Variants in TPO observed in about 807,000 individuals in gnomAD.
The protein encoded by TPO is thyroid microsomal antigen.
A neutral mutation model predicts 96.9 loss-of-function variants in TPO; 78 were observed. That is an observed-to-expected ratio of 0.81 (90% CI 0.67 to 0.97). The LOEUF is 0.97. Among genes scored for constraint, TPO ranks in the 50% least tolerant of loss-of-function variants. The pLI is 0.00. For missense variants in TPO, 1,252 were observed against 1,274.8 expected (o/e 0.98, Z 0.27); for synonymous variants, 547 against 538.0 (o/e 1.02, Z -0.23).
intron 14 of TPO, among the ~76,000 whole-genome samples, chr2:1,508,399 T>C (rs1673708651): frequency 6.6e-6 from 1 of 152,352 alleles, no homozygotes; most frequent in South Asian, 2.1e-4. Context: ...GCTGGCCTCA[T>C]AAAATGAGTT....
chr2:1,525,844 C>A (rs1275148356), intron 15 of TPO, among the ~76,000 whole-genome samples: 3 of 137,316 alleles, frequency 2.2e-5, no homozygotes, highest in African/African-American at 8.2e-5. Context: ...CCACTCTGTG[C>A]AACCTCCCAA....
At chr2:1,516,825 A>G in intron 14 of TPO, 58 bp from the exon 15 acceptor site, 1 of 1,547,318 alleles carries the variant, frequency 6.5e-7, no homozygotes, top group Non-Finnish European at 8.9e-7. Flanking sequence ...AGGCAGGACA[A>G]CCTGGCTTGC....
At chr2:1,466,727 A>G (rs1449741621) in intron 7 of TPO, among the ~76,000 whole-genome samples, 1 of 152,142 alleles carries the variant, frequency 6.6e-6, no homozygotes, top group East Asian at 1.9e-4. Flanking sequence ...CAGTTGTAAT[A>G]TCTCCCATTT....
intron 2 of TPO, among the ~76,000 whole-genome samples, chr2:1,416,410 G>A (rs1662967410): frequency 6.6e-6 from 1 of 152,220 alleles, no homozygotes; most frequent in African/African-American, 2.4e-5. Context: ...TGATACATGA[G>A]AGCTATTCAA....
At position 1,433,485 on chromosome 2, in the gene TPO, T is replaced by C. The variant is rs748602439; in HGVS notation, c.227T>C (p.Phe76Ser). 2 of 1,614,246 alleles carry C rather than the reference T, an allele frequency of 1.2e-6. No homozygotes were observed. The highest frequency in any genetic ancestry group is 1.7e-6 in the Non-Finnish European group (2 of 1,180,048). The change falls in exon 4 of 17, where the codon TTT becomes TCT. Residue 76 changes from phenylalanine to serine, a missense_variant. Transcript: ENST00000329066. ...CTTTCTCCAGCTCAGCTTCTGTCTT[T>C]TTCCAAACTTCCTGAGCCAACAAGC... is the stretch of plus-strand genomic sequence containing the variant. The part of the protein sequence containing the change: ...GILSPAQLLS[F>S]SKLPEPTSGV...
chr2:1,456,477 T>C (rs1469795721), intron 7 of TPO, among the ~76,000 whole-genome samples, 195 bp downstream of exon 7: 1 of 152,182 alleles, frequency 6.6e-6, no homozygotes, highest in African/African-American at 2.4e-5. Context: ...ATAGTGTGGG[T>C]ACACATATAT....
intron 13 of TPO, among the ~76,000 whole-genome samples, chr2:1,503,520 G>A (rs1469630167): frequency 1.3e-5 from 2 of 152,158 alleles, no homozygotes; most frequent in Non-Finnish European, 2.9e-5. Flanking sequence ...GCGGTGGCAG[G>A]TGGCCCCAGT....
In TPO at chr2:1,385,018, T is replaced by C. The variant is rs573346446; in HGVS notation, n.180+10616T>C. 5.9e-5 allele frequency among the ~76,000 whole-genome samples: 9 copies of C among 152,366 alleles called. No homozygotes were observed. The East Asian group carries it at 1.2e-3, about 20-fold the overall frequency. ...TGTTTATATGCTGGATTACGTTTAT[T>C]GATTTGCGTATGTTGAACCAGCCTT... On this transcript the variant is annotated intron_variant and non_coding_transcript_variant, in intron 1 of 5. Transcript: ENST00000497517.
At chr2:1,520,344 C>A (rs141894028) in intron 15 of TPO, among the ~76,000 whole-genome samples, 1 of 152,000 alleles carries the variant, frequency 6.6e-6, no homozygotes, top group South Asian at 2.1e-4. Flanking sequence ...CATTATTGTG[C>A]GGTGAGGAGT....
intron 14 of TPO, among the ~76,000 whole-genome samples, chr2:1,505,622 T>TA (rs138861563): frequency 0.032 from 4,855 of 149,930 alleles, 113 homozygotes; most frequent in East Asian, 0.11. Flanking sequence ...TTATTTCTTC[T>TA]AAAAAAAAAG....
At chr2:1,402,489 A>G (rs975475354) in intron 1 of TPO, among the ~76,000 whole-genome samples, 1 of 152,168 alleles carries the variant, frequency 6.6e-6, no homozygotes, top group Non-Finnish European at 1.5e-5. Flanking sequence ...TCAGTGAATT[A>G]GTCCATTTTC....
intron 5 of TPO, among the ~76,000 whole-genome samples, chr2:1,437,638 G>T (rs1665714127): frequency 6.6e-6 from 1 of 152,224 alleles, no homozygotes; most frequent in African/African-American, 2.4e-5. Context: ...CCACCTATCA[G>T]AGGGCAGTTT....
chr2:1,485,135 A>G (rs1671028659), intron 9 of TPO, among the ~76,000 whole-genome samples: 1 of 148,720 alleles, frequency 6.7e-6, no homozygotes, highest in Non-Finnish European at 1.5e-5. Flanking sequence ...ATTCCCACCT[A>G]TGAGTGAGAA....
chr2:1,494,162 C>G, intron 11 of TPO, 123 bp downstream of exon 11: 1 of 1,026,168 alleles, frequency 9.7e-7, no homozygotes, highest in Non-Finnish European at 1.5e-6. Context: ...CTTACGTAAG[C>G]CTGGTCAGGT....
At chr2:1,535,188 C>A (rs1470725208) in intron 15 of TPO, among the ~76,000 whole-genome samples, 1 of 94,706 alleles carries the variant, frequency 1.1e-5, no homozygotes, top group Non-Finnish European at 2.1e-5. Context: ...CCAAATCCCG[C>A]CACTTGTGCA....
chr2:1,523,557 CCCA>C (rs1675687846), intron 15 of TPO, among the ~76,000 whole-genome samples: 2 of 139,210 alleles, frequency 1.4e-5, no homozygotes, highest in South Asian at 2.5e-4. Context: ...TCCCCAAATC[CCCA>C]CCACTCTGTG....
intron 5 of TPO, among the ~76,000 whole-genome samples, chr2:1,441,778 C>T (rs76007956): frequency 0.025 from 3,814 of 152,238 alleles, 173 homozygotes; most frequent in African/African-American, 0.087. Flanking sequence ...TCCCCAGGGC[C>T]TGAGGATGTC....
At chr2:1,407,879 A>G (rs778253611) in intron 1 of TPO, among the ~76,000 whole-genome samples, 10 of 152,330 alleles carry the variant, frequency 6.6e-5, no homozygotes, top group Middle Eastern at 3.4e-3. Context: ...AACTTTGAAG[A>G]TTTCTACACA....
Position 1,516,943 on chromosome 2 carries a change from G to T in TPO, c.2579G>T (p.Gly860Val). The change falls in exon 15 of 17, where the codon GGA (glycine) becomes GTA (valine). Residue 860 changes from glycine to valine, a missense_variant. By Grantham distance (109) the Gly-to-Val change is moderately radical. Transcript: ENST00000329066. ...ATGTCGCTGGCTGCTCTGCTGATCG[G>T]AGGCTTCGCAGGTCTCACCTCGACG... is the stretch of plus-strand genomic sequence containing the variant. ...ISMSLAALLI[G>V]GFAGLTSTVI... The T allele has an allele frequency of 6.2e-7, 1 of 1,614,018 alleles. No individual in the cohort carries two copies. Among genetic ancestry groups the T allele is most frequent in the African/African-American group, 1.3e-5 (1 of 75,064 alleles).
Sources: allele counts gnomAD v4.1 joint callset (sites outside exome capture counted in the v4.1 genomes callset), GRCh38; gene constraint gnomAD v4.1.1; transcripts MANE v1.5; gene names NCBI Gene and HGNC (gene_info 2026-07-23, HGNC 2026-07-21).